Variants in CDH8 observed in about 807,000 individuals in gnomAD.
CDH8 encodes the protein cadherin 8, also known as cadherin-8.
In CDH8, 17 loss-of-function variants were observed where a neutral mutation model predicts 68.1. The ratio of observed to expected loss-of-function variants is 0.25; its 90% CI spans 0.17 to 0.37. The LOEUF (loss-of-function observed/expected upper bound fraction) is 0.37, where lower values mean the gene tolerates loss of function less well. CDH8 is among the 10% of genes least tolerant of loss of function. The pLI is 1.00. For synonymous variants in CDH8, 372 were observed against 365.1 expected (o/e 1.02, Z -0.21); for missense variants, 763 against 999.3 (o/e 0.76, Z 3.19).
At chr16:61,715,478 G>T (rs1964711344) in intron 9 of CDH8, among the ~76,000 whole-genome samples, 1 of 151,542 alleles carries the variant, frequency 6.6e-6, no homozygotes, top group East Asian at 1.9e-4. Flanking sequence ...TTTGATTATG[G>T]ATTTAAATTC....
intron 10 of CDH8, among the ~76,000 whole-genome samples, chr16:61,689,593 C>T (rs1964178031): frequency 6.6e-6 from 1 of 152,018 alleles, no homozygotes; most frequent in Non-Finnish European, 1.5e-5. Context: ...ATGAGGATAA[C>T]AATAATATGA....
intron 4 of CDH8, among the ~76,000 whole-genome samples, chr16:61,852,720 ATCT>A (rs1962961234): frequency 6.6e-6 from 1 of 152,026 alleles, no homozygotes; most frequent in African/African-American, 2.4e-5. Flanking sequence ...TTCCTCTTAC[ATCT>A]TCTCTATGAA....
At chr16:61,686,811 G>C (rs1964119678) in intron 10 of CDH8, among the ~76,000 whole-genome samples, 1 of 151,900 alleles carries the variant, frequency 6.6e-6, no homozygotes, top group African/African-American at 2.4e-5. Flanking sequence ...TTAGCAGTAT[G>C]TGTTTGGAAA....
intron 2 of CDH8, among the ~76,000 whole-genome samples, chr16:61,914,374 A>G (rs1235732463): frequency 6.6e-6 from 1 of 152,184 alleles, no homozygotes; most frequent in Non-Finnish European, 1.5e-5. Context: ...CTATGCATAG[A>G]TATGATTCTA....
At chr16:61,958,907 G>A (rs1327973642) in intron 2 of CDH8, among the ~76,000 whole-genome samples, 1 of 152,008 alleles carries the variant, frequency 6.6e-6, no homozygotes, top group Non-Finnish European at 1.5e-5. Context: ...ATCTCCATCA[G>A]TATAACCCCC....
At chr16:61,754,059 T>G (rs974037225) in intron 8 of CDH8, among the ~76,000 whole-genome samples, 1 of 152,232 alleles carries the variant, frequency 6.6e-6, no homozygotes, top group South Asian at 2.1e-4. Flanking sequence ...GGTCTCAAAC[T>G]TAATACTGTC....
chr16:62,025,878 T>A (rs1902187236), intron 1 of CDH8, among the ~76,000 whole-genome samples: 1 of 121,242 alleles, frequency 8.2e-6, no homozygotes, highest in South Asian at 2.5e-4. Flanking sequence ...TTCAAAATAA[T>A]ATAATATTAT....
At chr16:61,819,789 A>G (rs2143000460) in intron 6 of CDH8, among the ~76,000 whole-genome samples, 1 of 152,218 alleles carries the variant, frequency 6.6e-6, no homozygotes, top group South Asian at 2.1e-4. Flanking sequence ...GCTGATGAAG[A>G]AAGTGAAAAA....
At chr16:61,718,649 T>A (rs12598107) in intron 9 of CDH8, among the ~76,000 whole-genome samples, 3 of 151,402 alleles carry the variant, frequency 2.0e-5, no homozygotes, top group African/African-American at 7.2e-5. Flanking sequence ...TTAACATCTA[T>A]CTCTTGGAGT....
intron 4 of CDH8, among the ~76,000 whole-genome samples, chr16:61,854,513 C>T (rs1963005208): frequency 6.6e-6 from 1 of 152,072 alleles, no homozygotes; most frequent in South Asian, 2.1e-4. Flanking sequence ...ACTTCCATGT[C>T]CAAGTCGGCT....
intron 1 of CDH8, chr16:62,035,238 C>G (rs1432389536): frequency 2.0e-5 from 3 of 152,344 alleles, no homozygotes; most frequent in African/African-American, 4.8e-5. Context: ...AGGGGCGCGA[C>G]CAGCCCCTCA....
chr16:61,740,328 A>G (rs1246877073), intron 8 of CDH8, among the ~76,000 whole-genome samples: 1 of 152,202 alleles, frequency 6.6e-6, no homozygotes, highest in African/African-American at 2.4e-5. Flanking sequence ...ATTCATGTTC[A>G]GAAATTTTAA....
At position 61,826,776 on chromosome 16, in the gene CDH8, G is replaced by A. The variant is rs374607645; in HGVS notation, c.668-1597C>T. On this transcript the variant is annotated intron_variant, in intron 4 of 11. Transcript: ENST00000577390. ...GGGAAATACAATGCACCTACACAGGGAGCAGGCTCTGGGGAGAACTGTGAG... is the reference window on the plus strand; with the variant it reads ...GGGAAATACAATGCACCTACACAGGAAGCAGGCTCTGGGGAGAACTGTGAG... Among the ~76,000 whole-genome samples, 5 of 151,894 alleles carry A rather than the reference G, an allele frequency of 3.3e-5. No individual in the cohort carries two copies. The East Asian group carries it at 7.8e-4, about 24-fold the overall frequency.
intron 8 of CDH8, among the ~76,000 whole-genome samples, chr16:61,727,683 T>A (rs976445239): frequency 1.3e-5 from 2 of 151,048 alleles, no homozygotes; most frequent in African/African-American, 4.8e-5. Context: ...AAGTGGTCCT[T>A]AACAATGATA....
intron 3 of CDH8, 60 bp downstream of exon 3, chr16:61,901,119 T>C (rs1306505942): frequency 2.1e-6 from 3 of 1,405,024 alleles, no homozygotes; most frequent in Admixed American, 1.8e-5. Context: ...CCATCCTTGA[T>C]GCCAGGAGCT....
At chr16:61,854,398 G>A (rs537156307) in intron 4 of CDH8, among the ~76,000 whole-genome samples, 1 of 152,128 alleles carries the variant, frequency 6.6e-6, no homozygotes, top group African/African-American at 2.4e-5. Flanking sequence ...GTTTGCTCCA[G>A]GGGTCCCATT....
chr16:61,998,284 T>C (rs1965840358), intron 2 of CDH8, among the ~76,000 whole-genome samples: 1 of 152,180 alleles, frequency 6.6e-6, no homozygotes, highest in African/African-American at 2.4e-5. Flanking sequence ...TTCTGTAAAT[T>C]TGAAATTATA....
rs1272818717 is a variant in CDH8 at position 61,649,363 on chromosome 16, A to C, written c.*4245T>G. 4.0e-5 allele frequency: 6 copies of C among 151,782 alleles called. No homozygotes were observed. Among genetic ancestry groups the C allele is most frequent in the African/African-American group, 1.5e-4 (6 of 41,370 alleles). The allele number at this position is 151,782 out of a possible 1,614,324, so 9.4% of individuals were successfully genotyped here. A position where few individuals can be genotyped will look rare whatever the true frequency, so the allele number is the denominator to read the frequency against. ...GGCAGTGCGTGAGATTATGAGATGA[A>C]AAATTAAAACTATAAATTATCCCCA... On this transcript the variant is annotated 3_prime_UTR_variant, in exon 12 of 12. Coordinates refer to ENST00000577390, the MANE Select transcript of CDH8 (RefSeq NM_001796.5).
In CDH8 at chr16:61,789,432, G is replaced by A. The variant is rs1961325187; in HGVS notation, c.1328C>T (p.Ala443Val). The A allele has an allele frequency of 6.2e-7, 1 of 1,613,006 alleles. No homozygotes were observed. Residue 443 changes from alanine to valine, a missense_variant, in exon 8 of 12, where the codon GCA (alanine) becomes GTA (valine). Around this residue, in one of 2 missense-constraint regions of CDH8, gnomAD observed 366 missense variants for 563.1 expected, o/e 0.65. Transcript: ENST00000577390. ...TDLERQFNIN[A>V]DDGKITLATP... ...TGCCAGCGTTATCTTCCCATCGTCT[G>A]CATTAATGTTGAACTGCCTCTCCAG...
Sources: allele counts gnomAD v4.1 joint callset (sites outside exome capture counted in the v4.1 genomes callset), GRCh38; gene constraint gnomAD v4.1.1; regional missense constraint gnomAD v4.1.1; transcripts MANE v1.5; gene names NCBI Gene and HGNC (gene_info 2026-07-23, HGNC 2026-07-21).